The following CYLD variants were observed in gnomAD, a reference collection of about 807,000 sequenced individuals.
The protein encoded by CYLD is ubiquitin carboxyl-terminal hydrolase CYLD.
Under a neutral mutation model 104.5 loss-of-function variants are expected in CYLD, and 26 were observed. That is an observed-to-expected ratio of 0.25 (90% CI 0.18 to 0.35). CYLD has a LOEUF of 0.35. CYLD is among the 10% of genes least tolerant of loss of function. CYLD has a pLI of 1.00. For synonymous variants in CYLD, 385 were observed against 399.9 expected (o/e 0.96, Z 0.45); for missense variants, 703 against 1,136.1 (o/e 0.62, Z 5.48).
chr16:50,795,855 G>A (rs2151045598), intron 18 of CYLD: 2 of 528,452 alleles, frequency 3.8e-6, no homozygotes, highest in African/African-American at 1.9e-5. Flanking sequence ...TCAGGGCCTG[G>A]TGATGTGTCA....
intron 7 of CYLD, among the ~76,000 whole-genome samples, chr16:50,777,564 A>G (rs1348759819): frequency 6.6e-6 from 1 of 152,128 alleles, no homozygotes. Context: ...TTTTTTTTAA[A>G]AATGAGTGGG....
At chr16:50,795,734 A>G in intron 18 of CYLD, 3 of 623,058 alleles carry the variant, frequency 4.8e-6, no homozygotes, top group Non-Finnish European at 8.6e-6. Flanking sequence ...CAACCCAGTT[A>G]ACATTTGCAC....
rs1971814932 is a variant in CYLD at position 50,794,688 on chromosome 16, T to G, written c.2686+260T>G. 1 of 467,632 alleles carries G rather than the reference T, an allele frequency of 2.1e-6. No individual in the cohort carries two copies. Among genetic ancestry groups the G allele is most frequent in the South Asian group, 2.1e-5 (1 of 48,370 alleles). The allele number at this position is 467,632 out of a possible 1,614,324, so 29.0% of individuals were successfully genotyped here. ...CAGGCTGGAGTGCAGCAGCGTGATC[T>G]TGGCTCATTGCAACCTCCACCTCTC... On this transcript the variant is annotated intron_variant, in intron 18 of 18. Transcript: ENST00000427738. This position sits in a 1 kb window ranked among gnomAD's most constrained non-coding sequence, Gnocchi z 4.1.
rs1460980564 is a variant in CYLD, at chr16:50,791,747, A to C, written c.2241+57A>C. 6 of 1,574,840 alleles carry C rather than the reference A, an allele frequency of 3.8e-6. No individual in the cohort carries two copies. The East Asian group carries it at 1.3e-4, about 35-fold the overall frequency. ...GAAAGTCTGTGGGAGTCTTAAGACTATTGGTAGTTTCAGTATCTATTGATT... is the reference window on the plus strand; with the variant it reads ...GAAAGTCTGTGGGAGTCTTAAGACTCTTGGTAGTTTCAGTATCTATTGATT... On this transcript the variant is annotated intron_variant, in intron 15 of 18. Transcript: ENST00000427738.
At chr16:50,753,064 G>T (rs1444354668) in intron 4 of CYLD, among the ~76,000 whole-genome samples, 2 of 152,062 alleles carry the variant, frequency 1.3e-5, no homozygotes, top group African/African-American at 4.8e-5. Context: ...ATCTGCTCAG[G>T]TATACTTTTT....
chr16:50,759,101 C>T (rs972434050), intron 5 of CYLD, among the ~76,000 whole-genome samples: 19 of 152,024 alleles, frequency 1.2e-4, no homozygotes, highest in African/African-American at 4.1e-4. Context: ...ATTAGCCAGG[C>T]GTGGTGGCGG....
At chr16:50,788,681 C>T (rs745411156) in intron 14 of CYLD, among the ~76,000 whole-genome samples, 1 of 152,018 alleles carries the variant, frequency 6.6e-6, no homozygotes, top group Non-Finnish European at 1.5e-5. Context: ...ATGATAATAG[C>T]CATATGTACA....
intron 5 of CYLD, among the ~76,000 whole-genome samples, chr16:50,767,938 G>A (rs553716288): frequency 1.3e-5 from 2 of 152,222 alleles, no homozygotes; most frequent in South Asian, 4.1e-4. Flanking sequence ...TTCATTAGTA[G>A]TATTTATCTT....
Position 50,787,470 on chromosome 16 carries a change from G to C in CYLD, c.2042-316G>C, listed in dbSNP as rs1422641346. ...TCAGAGGCTTGCAGGAAAAAACAGA[G>C]CATACTTCAGATTGTACTCCATTTA... On this transcript the variant is annotated intron_variant, in intron 13 of 18. Transcript: ENST00000427738. 5 of 317,852 alleles carry C rather than the reference G, an allele frequency of 1.6e-5. No homozygotes were observed. In the Admixed American group the frequency reaches 2.4e-4, roughly 15 times the overall value. The allele number at this position is 317,852 out of a possible 1,614,324, so 19.7% of individuals were successfully genotyped here. A position where few individuals can be genotyped will look rare whatever the true frequency, so the allele number is the denominator to read the frequency against.
intron 12 of CYLD, chr16:50,784,876 A>G (rs1970648018): frequency 5.0e-6 from 1 of 199,936 alleles, no homozygotes; most frequent in South Asian, 8.3e-5. Context: ...AATTCTTTAT[A>G]GAATAGCTAG....
At position 50,798,609 on chromosome 16, in the gene CYLD, A is replaced by G. The variant is rs1281967501; in HGVS notation, c.*2101A>G. 2.7e-5 allele frequency: 6 copies of G among 221,618 alleles called. No individual in the cohort carries two copies. The highest frequency in any genetic ancestry group is 5.2e-5 in the Non-Finnish European group (6 of 114,520). The allele number at this position is 221,618 out of a possible 1,614,324, so 13.7% of individuals were successfully genotyped here. On this transcript the variant is annotated 3_prime_UTR_variant, in exon 19 of 19. Coordinates refer to ENST00000427738, the MANE Select transcript of CYLD (RefSeq NM_001378743.1). ...CGATCTAGGTAAGACTGGATTTAAC[A>G]GTTGGAAAAAAAAAAAAAAAAGGAG...
rs1966390367 is a variant in CYLD, at chr16:50,748,645, TA to T, written c.-123-930del. Among the ~76,000 whole-genome samples the T allele has an allele frequency of 5.3e-5, 8 of 152,300 alleles. No homozygotes were observed. The South Asian group carries it at 1.7e-3, about 32-fold the overall frequency. On this transcript the variant is annotated intron_variant, in intron 2 of 18. Coordinates refer to ENST00000427738, the MANE Select transcript of CYLD (RefSeq NM_001378743.1). ...TATATCATGATATTCCCTTGCTATG[TA>T]GTACAAGTTTTGATGCTACAAAATT...
At chr16:50,776,093 GGT>G in intron 6 of CYLD, 84 bp from the exon 7 acceptor site, 1 of 973,396 alleles carries the variant, frequency 1.0e-6, no homozygotes, top group Non-Finnish European at 1.6e-6. Flanking sequence ...GTGGAAAGAG[GGT>G]TTTTTTATTT....
chr16:50,781,592 TAAA>T (rs1175720949), intron 10 of CYLD, among the ~76,000 whole-genome samples, 181 bp downstream of exon 10: 1 of 152,242 alleles, frequency 6.6e-6, no homozygotes, highest in Non-Finnish European at 1.5e-5. Context: ...GGGGACATCT[TAAA>T]AAAGTATTAG....
In CYLD at chr16:50,796,673, C is replaced by A; in HGVS notation, c.*165C>A. ...TTTAAAAACAAATTGCTTTTGTGTC[C>A]CTGAAGTATTTAATAAGAAGCATTT... is the stretch of plus-strand genomic sequence containing the variant. On this transcript the variant is annotated 3_prime_UTR_variant, in exon 19 of 19. Transcript: ENST00000427738. The A allele has an allele frequency of 1.4e-6, 1 of 700,128 alleles. No homozygotes were observed. The highest frequency in any genetic ancestry group is 2.5e-6 in the Non-Finnish European group (1 of 400,700). 43.4% of individuals were successfully genotyped at this position (700,128 alleles called of 1,614,324 possible).
At chr16:50,789,347 CAGATGCTT>C (rs1971189256) in intron 14 of CYLD, among the ~76,000 whole-genome samples, 1 of 152,190 alleles carries the variant, frequency 6.6e-6, no homozygotes, top group Non-Finnish European at 1.5e-5. Flanking sequence ...AGATAAATTT[CAGATGCTT>C]AAAACAGTTG....
intron 5 of CYLD, among the ~76,000 whole-genome samples, chr16:50,769,696 C>T (rs920948341): frequency 6.6e-6 from 1 of 152,142 alleles, no homozygotes; most frequent in African/African-American, 2.4e-5. Context: ...AAGACGTGTG[C>T]AACATCACAA....
chr16:50,781,521 C>G, intron 10 of CYLD, 110 bp downstream of exon 10: 2 of 1,344,374 alleles, frequency 1.5e-6, no homozygotes, highest in Non-Finnish European at 2.1e-6. Flanking sequence ...TTCTTGCCAA[C>G]GCTCATTAAG....
Position 50,794,794 on chromosome 16 carries a change from T to C in CYLD, c.2686+366T>C. ...TGCCACCATGCCTGGCTAATTTTTG[T>C]ATTTTTAGTAGAGATGGGCTTCTGC... is the stretch of plus-strand genomic sequence containing the variant. On this transcript the variant is annotated intron_variant, in intron 18 of 18. Transcript: ENST00000427738. The surrounding 1 kb of genome is among the most constrained non-coding windows in gnomAD (Gnocchi z 4.1). 1 of 328,826 alleles carries C rather than the reference T, an allele frequency of 3.0e-6. No individual in the cohort carries two copies. Among genetic ancestry groups the C allele is most frequent in the Middle Eastern group, 1.1e-3 (1 of 916 alleles). 20.4% of individuals were successfully genotyped at this position (328,826 alleles called of 1,614,324 possible). A position where few individuals can be genotyped will look rare whatever the true frequency, so the allele number is the denominator to read the frequency against.
Sources: gnomAD v4.1 joint callset for allele counts (sites outside exome capture counted in the v4.1 genomes callset) on GRCh38, gnomAD v4.1.1 for gene constraint, Gnocchi (gnomAD v3.1) non-coding constraint, MANE v1.5 for transcripts, NCBI Gene and HGNC (gene_info 2026-07-23, HGNC 2026-07-21) for gene names.